The following CNOT6 variants were observed in gnomAD, a reference collection of about 807,000 sequenced individuals.
CNOT6 encodes CCR4-NOT transcription complex subunit 6, also known as carbon catabolite repression 4 protein.
In CNOT6, 12 loss-of-function variants were observed where a neutral mutation model predicts 61.2. The ratio of observed to expected loss-of-function variants is 0.20; its 90% confidence interval spans 0.13 to 0.32. CNOT6 has a LOEUF of 0.32. Ranked by LOEUF, CNOT6 falls within the 10% of genes least tolerant of loss-of-function variation. The pLI, the probability that CNOT6 is intolerant of heterozygous loss-of-function variation, is 1.00. For missense variants in CNOT6, 405 were observed against 663.9 expected (o/e 0.61, Z 4.28); for synonymous variants, 225 against 240.6 (o/e 0.94, Z 0.60).
At chr5:180,535,116 A>G (rs561486739) in intron 2 of CNOT6, among the ~76,000 whole-genome samples, 1 of 152,354 alleles carries the variant, frequency 6.6e-6, no homozygotes, top group African/African-American at 2.4e-5. Flanking sequence ...GACGCAGAAG[A>G]TGTGCTCACT....
At chr5:180,503,640 C>G (rs1192015854) in intron 1 of CNOT6, among the ~76,000 whole-genome samples, 1 of 112,522 alleles carries the variant, frequency 8.9e-6, no homozygotes, top group Non-Finnish European at 1.7e-5. Flanking sequence ...GAGTCTCAAT[C>G]TGTCATCCAG....
At chr5:180,523,834 C>T (rs984823255) in intron 1 of CNOT6, among the ~76,000 whole-genome samples, 1 of 152,090 alleles carries the variant, frequency 6.6e-6, no homozygotes, top group African/African-American at 2.4e-5. Flanking sequence ...TACGTGCAGG[C>T]CGCTCTTTAA....
intron 8 of CNOT6, 26 bp from the exon 9 acceptor site, chr5:180,567,823 G>T: frequency 6.2e-7 from 1 of 1,613,754 alleles, no homozygotes; most frequent in Non-Finnish European, 8.5e-7. Context: ...CTCTGTGTGT[G>T]TGTGTGTGTG....
chr5:180,576,706 A>C lies in CNOT6; in HGVS notation c.*2506A>C, dbSNP rs902713524. 5 of 152,178 alleles carry C rather than the reference A, an allele frequency of 3.3e-5. No individual in the cohort carries two copies. The East Asian group carries it at 7.7e-4, about 23-fold the overall frequency. 9.4% of individuals were successfully genotyped at this position (152,178 alleles called of 1,614,324 possible). A position where few individuals can be genotyped will look rare whatever the true frequency, so the allele number is the denominator to read the frequency against. On this transcript the variant is annotated 3_prime_UTR_variant, in exon 12 of 12. Coordinates refer to ENST00000261951, the MANE Select transcript of CNOT6 (RefSeq NM_001370472.1). ...GTAGGTAATGAACAGTCACACCAAA[A>C]TAGACTATGATGCTTTTGTTAAGAA...
intron 1 of CNOT6, among the ~76,000 whole-genome samples, chr5:180,500,315 T>A (rs1756812923): frequency 6.6e-6 from 1 of 152,142 alleles, no homozygotes; most frequent in African/African-American, 2.4e-5. Flanking sequence ...TCTCTCTACG[T>A]TGCCCGGTTT....
intron 4 of CNOT6, among the ~76,000 whole-genome samples, chr5:180,554,158 C>T (rs1759756033): frequency 6.6e-6 from 1 of 152,132 alleles, no homozygotes; most frequent in Admixed American, 6.5e-5. Context: ...TGGCTCACAC[C>T]TGTAATCACA....
At chr5:180,551,563 C>G (rs1213317444) in intron 3 of CNOT6, among the ~76,000 whole-genome samples, 3 of 152,048 alleles carry the variant, frequency 2.0e-5, no homozygotes, top group African/African-American at 7.2e-5. Context: ...TATTTTACTT[C>G]TGTTTTATAA....
At chr5:180,553,250 C>T (rs974305077) in intron 3 of CNOT6, 136 bp from the exon 4 acceptor site, 1 of 329,032 alleles carries the variant, frequency 3.0e-6, no homozygotes, top group Non-Finnish European at 6.0e-6. Context: ...ATTTAAGAAA[C>T]GCAGTACTAG....
intron 1 of CNOT6, among the ~76,000 whole-genome samples, chr5:180,495,129 A>T (rs1317775526): frequency 6.6e-6 from 1 of 152,168 alleles, no homozygotes; most frequent in African/African-American, 2.4e-5. Context: ...AACTTTTGAG[A>T]AGCGCCTCTG....
At chr5:180,551,280 C>A (rs1343039374) in intron 3 of CNOT6, among the ~76,000 whole-genome samples, 2 of 152,094 alleles carry the variant, frequency 1.3e-5, no homozygotes, top group Admixed American at 6.5e-5. Context: ...TGGCTTGAGC[C>A]CAGGAGGTTG....
chr5:180,563,939 T>C (rs1157302339), intron 4 of CNOT6, among the ~76,000 whole-genome samples: 3 of 152,118 alleles, frequency 2.0e-5, no homozygotes, highest in Admixed American at 6.5e-5. Flanking sequence ...TGGGATTTTT[T>C]CCCCCTCCTT....
intron 1 of CNOT6, among the ~76,000 whole-genome samples, chr5:180,522,362 C>T (rs960752221): frequency 6.6e-6 from 1 of 152,186 alleles, no homozygotes; most frequent in African/African-American, 2.4e-5. Flanking sequence ...GATCCGCCCT[C>T]GTAGGCCCCC....
intron 1 of CNOT6, among the ~76,000 whole-genome samples, chr5:180,504,525 A>C (rs903674698): frequency 6.6e-6 from 1 of 152,174 alleles, no homozygotes; most frequent in South Asian, 2.1e-4. Flanking sequence ...TAGATTTTGG[A>C]AAGTCTGGCA....
At chr5:180,502,794 CTAAGT>C (rs1453558020) in intron 1 of CNOT6, among the ~76,000 whole-genome samples, 2 of 152,158 alleles carry the variant, frequency 1.3e-5, no homozygotes, top group African/African-American at 4.8e-5. Flanking sequence ...TATGACTTGA[CTAAGT>C]TAAATCAAAA....
At chr5:180,500,250 A>AC (rs1756810197) in intron 1 of CNOT6, among the ~76,000 whole-genome samples, 1 of 151,152 alleles carries the variant, frequency 6.6e-6, no homozygotes, top group Non-Finnish European at 1.5e-5. Flanking sequence ...ACCTGGTATC[A>AC]CAGGTGTGTG....
chr5:180,519,718 T>C (rs1757797184), intron 1 of CNOT6, among the ~76,000 whole-genome samples: 1 of 152,172 alleles, frequency 6.6e-6, no homozygotes, highest in Non-Finnish European at 1.5e-5. Context: ...GGGTCTCTTA[T>C]TTAATGTTTG....
rs1198006543 is a variant in CNOT6 at position 180,574,884 on chromosome 5, C to G, written c.*684C>G. 6.5e-6 allele frequency: 1 copy of G among 152,772 alleles called. No individual in the cohort carries two copies. Among genetic ancestry groups the G allele is most frequent in the African/African-American group, 2.4e-5 (1 of 41,430 alleles). 9.5% of individuals were successfully genotyped at this position (152,772 alleles called of 1,614,324 possible). A position where few individuals can be genotyped will look rare whatever the true frequency, so the allele number is the denominator to read the frequency against. On this transcript the variant is annotated 3_prime_UTR_variant, in exon 12 of 12. Transcript: ENST00000261951. ...TTTAAATTGAGAACATGGTTCTTTA[C>G]ATATAAATCTGCTTCAACCTTAGGA...
intron 1 of CNOT6, among the ~76,000 whole-genome samples, chr5:180,507,468 G>C (rs1026754063): frequency 2.6e-5 from 4 of 152,120 alleles, no homozygotes; most frequent in East Asian, 1.9e-4. Flanking sequence ...CAGGCGTGGT[G>C]GTGGGTGCCT....
At chr5:180,513,876 T>G (rs1242224950) in intron 1 of CNOT6, among the ~76,000 whole-genome samples, 1 of 151,616 alleles carries the variant, frequency 6.6e-6, no homozygotes, top group East Asian at 2.0e-4. Flanking sequence ...GCTAATTTTT[T>G]GTATTTTTGG....
Sources: gnomAD v4.1 joint callset for allele counts (sites outside exome capture counted in the v4.1 genomes callset) on GRCh38, gnomAD v4.1.1 for gene constraint, MANE v1.5 for transcripts, NCBI Gene and HGNC (gene_info 2026-07-23, HGNC 2026-07-21) for gene names.